The following ATP9A variants were observed in gnomAD, a reference collection of about 807,000 sequenced individuals.
ATP9A encodes ATPase phospholipid transporting 9A.
A neutral mutation model predicts 144.1 loss-of-function variants in ATP9A; 52 were observed. The ratio of observed to expected loss-of-function variants is 0.36; its 90% CI spans 0.29 to 0.45. ATP9A has a LOEUF of 0.45. Among genes scored for constraint, ATP9A ranks in the 20% least tolerant of loss-of-function variants. ATP9A has a pLI of 1.00. For missense variants in ATP9A, 947 were observed against 1,392.7 expected (o/e 0.68, Z 5.09); for synonymous variants, 582 against 557.4 (o/e 1.04, Z -0.62).
intron 15 of ATP9A, among the ~76,000 whole-genome samples, chr20:51,630,064 G>C (rs1017543986): frequency 6.6e-6 from 1 of 152,232 alleles, no homozygotes; most frequent in Non-Finnish European, 1.5e-5. Flanking sequence ...GTGTCACAAC[G>C]CAGGCAATGT....
intron 14 of ATP9A, among the ~76,000 whole-genome samples, chr20:51,646,241 A>C (rs886566344): frequency 1.3e-5 from 2 of 152,166 alleles, no homozygotes; most frequent in African/African-American, 4.8e-5. Context: ...AAGTTTTTAA[A>C]GTTTTCTCTT....
At chr20:51,634,919 T>C (rs1485869002) in intron 15 of ATP9A, among the ~76,000 whole-genome samples, 1 of 150,586 alleles carries the variant, frequency 6.6e-6, no homozygotes, top group African/African-American at 2.4e-5. Flanking sequence ...GCGTCTCTGG[T>C]TCCTCAATAC....
At chr20:51,739,765 C>T (rs1463000306) in intron 1 of ATP9A, among the ~76,000 whole-genome samples, 1 of 152,158 alleles carries the variant, frequency 6.6e-6, no homozygotes, top group African/African-American at 2.4e-5. Context: ...TGAGAAGGGA[C>T]AGTGAGACCC....
At chr20:51,753,487 C>CAACAACA (rs1555845489) in intron 1 of ATP9A, among the ~76,000 whole-genome samples, 2 of 147,152 alleles carry the variant, frequency 1.4e-5, no homozygotes, top group African/African-American at 5.3e-5. Context: ...ACAACAACAA[C>CAACAACA]AAACCCACGT....
At chr20:51,603,848 T>G (rs946212929) in intron 27 of ATP9A, among the ~76,000 whole-genome samples, 1 of 152,166 alleles carries the variant, frequency 6.6e-6, no homozygotes. Context: ...TGGCGTGATC[T>G]CAGCTCACTG....
intron 1 of ATP9A, among the ~76,000 whole-genome samples, chr20:51,750,060 C>G (rs1014501872): frequency 6.6e-6 from 1 of 152,090 alleles, no homozygotes; most frequent in South Asian, 2.1e-4. Context: ...GAGGCTGAGG[C>G]GGGAGAATTG....
At chr20:51,689,360 C>T (rs1458854905) in intron 8 of ATP9A, among the ~76,000 whole-genome samples, 2 of 152,044 alleles carry the variant, frequency 1.3e-5, no homozygotes, top group Non-Finnish European at 2.9e-5. Context: ...AAAAAGTTGG[C>T]CTGTGATTTA....
At chr20:51,722,496 G>T (rs1016678760) in intron 3 of ATP9A, among the ~76,000 whole-genome samples, 1 of 151,824 alleles carries the variant, frequency 6.6e-6, no homozygotes, top group African/African-American at 2.4e-5. Context: ...AAATCAGTAA[G>T]AAAAAAACAA....
At chr20:51,718,920 G>A (rs965748734) in intron 3 of ATP9A, among the ~76,000 whole-genome samples, 1 of 151,046 alleles carries the variant, frequency 6.6e-6, no homozygotes, top group Admixed American at 6.6e-5. Flanking sequence ...ACGAGGTCAG[G>A]AGTTCGAGAC....
At chr20:51,713,720 A>C (rs1296919602) in intron 3 of ATP9A, among the ~76,000 whole-genome samples, 1 of 152,242 alleles carries the variant, frequency 6.6e-6, no homozygotes, top group Non-Finnish European at 1.5e-5. Flanking sequence ...TCACAGAGCC[A>C]AGTGGAAAAA....
rs2077168448 is a variant in ATP9A at position 51,607,597 on chromosome 20, CAG to C, written c.2746-15_2746-14del. ...ACAACGGCCGTCCCTGAATGAGAGA[CAG>C]AGAAAGGTTAGAGCCGGTTTCGCGG... is the stretch of plus-strand genomic sequence containing the variant. On this transcript the variant is annotated splice_polypyrimidine_tract_variant and intron_variant, in intron 25 of 27. Coordinates refer to ENST00000338821, the MANE Select transcript of ATP9A (RefSeq NM_006045.3). The C allele has an allele frequency of 6.2e-7, 1 of 1,610,304 alleles. No individual in the cohort carries two copies. The highest frequency in any genetic ancestry group is 1.3e-5 in the African/African-American group (1 of 74,856).
intron 1 of ATP9A, among the ~76,000 whole-genome samples, chr20:51,734,053 T>G (rs1231187045): frequency 3.3e-5 from 5 of 152,030 alleles, no homozygotes; most frequent in Non-Finnish European, 7.4e-5. Context: ...CTCAGCTTGT[T>G]GCAGCCTCAA....
At chr20:51,736,542 C>T (rs545021214) in intron 1 of ATP9A, among the ~76,000 whole-genome samples, 46 of 139,136 alleles carry the variant, frequency 3.3e-4, no homozygotes, top group African/African-American at 1.0e-3. Flanking sequence ...TTCTGGAGAA[C>T]GAGGTCTCGC....
At chr20:51,760,315 T>C (rs979046040) in intron 1 of ATP9A, among the ~76,000 whole-genome samples, 23 of 152,158 alleles carry the variant, frequency 1.5e-4, no homozygotes, top group Non-Finnish European at 2.8e-4. Flanking sequence ...AGGTTCTTCA[T>C]TGATCAGTCA....
chr20:51,702,285 C>A (rs1224381117), intron 4 of ATP9A, among the ~76,000 whole-genome samples: 1 of 122,366 alleles, frequency 8.2e-6, no homozygotes, highest in African/African-American at 3.3e-5. Context: ...GTGCAAGACT[C>A]TGTCTCAAAA....
chr20:51,750,797 G>C (rs922328557), intron 1 of ATP9A, among the ~76,000 whole-genome samples: 1 of 152,122 alleles, frequency 6.6e-6, no homozygotes, highest in African/African-American at 2.4e-5. Context: ...TGTAGAATCT[G>C]AGAGCCACCT....
At chr20:51,712,092 A>AGAT (rs1234429837) in intron 4 of ATP9A, among the ~76,000 whole-genome samples, 1 of 87,454 alleles carries the variant, frequency 1.1e-5, no homozygotes, top group Non-Finnish European at 2.2e-5. Flanking sequence ...TTTTTTTTTG[A>AGAT]GATGGAGTCT....
chr20:51,756,352 A>G (rs2077856185), intron 1 of ATP9A, among the ~76,000 whole-genome samples: 2 of 150,558 alleles, frequency 1.3e-5, no homozygotes, highest in Non-Finnish European at 2.9e-5. Context: ...GTGCAGGGGC[A>G]TGATCTTGGC....
At chr20:51,602,011 G>A (rs971445629) in intron 27 of ATP9A, among the ~76,000 whole-genome samples, 2 of 152,252 alleles carry the variant, frequency 1.3e-5, no homozygotes, top group Admixed American at 6.5e-5. Context: ...TCTAAGTCCC[G>A]GCCACTGGCG....
Sources: gnomAD v4.1 joint callset for allele counts (sites outside exome capture counted in the v4.1 genomes callset) on GRCh38, gnomAD v4.1.1 for gene constraint, MANE v1.5 for transcripts, NCBI Gene and HGNC (gene_info 2026-07-23, HGNC 2026-07-21) for gene names.